The following PKHD1 variants were observed in gnomAD, a reference collection of about 807,000 sequenced individuals.
PKHD1 encodes the protein PKHD1 ciliary IPT domain containing fibrocystin/polyductin.
Under a neutral mutation model 412.0 loss-of-function variants are expected in PKHD1, and 291 were observed. The ratio of observed to expected loss-of-function variants is 0.71; its 90% CI spans 0.64 to 0.78. The LOEUF is 0.78. Among genes scored for constraint, PKHD1 ranks in the 30% least tolerant of loss-of-function variants. PKHD1 has a pLI of 0.00. For synonymous variants in PKHD1, 1,777 were observed against 1,821.5 expected (o/e 0.98, Z 0.62); for missense variants, 4,825 against 4,950.7 (o/e 0.97, Z 0.76).
chr6:51,894,259 CA>C (rs1779550131), intron 43 of PKHD1, among the ~76,000 whole-genome samples: 1 of 152,104 alleles, frequency 6.6e-6, no homozygotes, highest in Admixed American at 6.5e-5. Context: ...GAAAGCATGG[CA>C]AACGCCTATT....
intron 65 of PKHD1, among the ~76,000 whole-genome samples, chr6:51,627,400 T>C (rs149331605): frequency 7.2e-5 from 11 of 151,750 alleles, no homozygotes; most frequent in African/African-American, 2.4e-4. Flanking sequence ...GTAAGTATAA[T>C]GTACACACTC....
At chr6:52,080,315 C>T (rs1274440992) in intron 4 of PKHD1, among the ~76,000 whole-genome samples, 4 of 152,092 alleles carry the variant, frequency 2.6e-5, no homozygotes, top group African/African-American at 7.2e-5. Context: ...TAATCTATTC[C>T]CCATTTCCAT....
At chr6:51,869,983 C>A (rs1056565693) in intron 47 of PKHD1, among the ~76,000 whole-genome samples, 1 of 152,090 alleles carries the variant, frequency 6.6e-6, no homozygotes, top group East Asian at 1.9e-4. Context: ...TTCTTACCAC[C>A]TCTGAGATGT....
At position 51,780,541 on chromosome 6, in the gene PKHD1, A is replaced by C. The variant is rs546829525; in HGVS notation, c.8441-4620T>G. Among the ~76,000 whole-genome samples the C allele has an allele frequency of 1.4e-4, 22 of 152,280 alleles. No homozygotes were observed. In the South Asian group the frequency reaches 4.6e-3, roughly 32 times the overall value. ...ACATTCATCATTAAAAAAGAGTAAG[A>C]GAACAGCTATTTCACAAAACAAGAT... On this transcript the variant is annotated intron_variant, in intron 53 of 66. Coordinates refer to ENST00000371117, the MANE Select transcript of PKHD1 (RefSeq NM_138694.4).
At chr6:51,652,800 G>A in intron 61 of PKHD1, among the ~76,000 whole-genome samples, 1 of 1,726 alleles carries the variant, frequency 5.8e-4, no homozygotes. Flanking sequence ...GGATGGTCTC[G>A]ATCTCCTGAC....
chr6:52,075,253 C>T (rs2128235958), intron 6 of PKHD1, among the ~76,000 whole-genome samples: 1 of 152,346 alleles, frequency 6.6e-6, no homozygotes, highest in South Asian at 2.1e-4. Flanking sequence ...TAATCTGTGT[C>T]TATACACACA....
chr6:51,826,122 T>A (rs889866947), intron 52 of PKHD1, among the ~76,000 whole-genome samples: 1 of 152,194 alleles, frequency 6.6e-6, no homozygotes, highest in African/African-American at 2.4e-5. Flanking sequence ...CTTTCTGATT[T>A]ATGATCATCT....
intron 54 of PKHD1, among the ~76,000 whole-genome samples, chr6:51,773,850 C>T (rs1452246762): frequency 2.7e-5 from 4 of 150,746 alleles, no homozygotes; most frequent in Admixed American, 6.6e-5. Flanking sequence ...TCAACATCCA[C>T]ATTTTTTCCA....
chr6:51,662,740 A>G (rs1326234580), intron 60 of PKHD1, among the ~76,000 whole-genome samples: 2 of 151,974 alleles, frequency 1.3e-5, no homozygotes, highest in African/African-American at 2.4e-5. Flanking sequence ...GAATGAAAGG[A>G]TTATCATTAC....
At chr6:51,755,436 T>C (rs1165337453) in intron 55 of PKHD1, among the ~76,000 whole-genome samples, 2 of 152,182 alleles carry the variant, frequency 1.3e-5, no homozygotes, top group Non-Finnish European at 2.9e-5. Flanking sequence ...GAGGTGTCAC[T>C]TACCAGCTGT....
chr6:51,665,591 G>A (rs79320311), intron 60 of PKHD1, among the ~76,000 whole-genome samples: 4,040 of 152,138 alleles, frequency 0.027, 83 homozygotes, highest in Non-Finnish European at 0.043. Context: ...CTGAAAAGTA[G>A]GTTCTTTTAT....
Position 51,619,039 on chromosome 6 carries a change from G to T in PKHD1, c.*42C>A. The T allele has an allele frequency of 6.4e-7, 1 of 1,563,004 alleles. No homozygotes were observed. Among genetic ancestry groups the T allele is most frequent in the South Asian group, 1.1e-5 (1 of 89,754 alleles). On this transcript the variant is annotated 3_prime_UTR_variant, in exon 67 of 67. Coordinates refer to ENST00000371117, the MANE Select transcript of PKHD1 (RefSeq NM_138694.4). ...CCAGCTTATTATCCAGAAATACTGG[G>T]AACATTCTGCCTTTCAGGCCAAATG...
intron 60 of PKHD1, among the ~76,000 whole-genome samples, chr6:51,698,832 GT>G (rs1779092626): frequency 6.6e-6 from 1 of 152,198 alleles, no homozygotes; most frequent in African/African-American, 2.4e-5. Context: ...AAAGTGATGG[GT>G]TTTAACAAGA....
chr6:51,809,693 C>T (rs2151385595), intron 52 of PKHD1, among the ~76,000 whole-genome samples: 1 of 152,054 alleles, frequency 6.6e-6, no homozygotes, highest in South Asian at 2.1e-4. Context: ...TTTTTCTTCA[C>T]ATGACATATG....
At chr6:51,665,932 C>T (rs938747987) in intron 60 of PKHD1, among the ~76,000 whole-genome samples, 3 of 152,040 alleles carry the variant, frequency 2.0e-5, no homozygotes, top group Non-Finnish European at 4.4e-5. Flanking sequence ...AGTGTAAGCA[C>T]AGGTGGAGGT....
chr6:51,917,664 G>A (rs776463752), intron 37 of PKHD1, among the ~76,000 whole-genome samples: 2 of 152,076 alleles, frequency 1.3e-5, no homozygotes, highest in African/African-American at 4.8e-5. Flanking sequence ...CCTAGGCAAC[G>A]ACAATGATGT....
At chr6:51,859,502 G>A (rs1230439152) in intron 48 of PKHD1, among the ~76,000 whole-genome samples, 2 of 132,876 alleles carry the variant, frequency 1.5e-5, no homozygotes, top group Admixed American at 9.5e-5. Context: ...CTCCAGCCTG[G>A]GCAACAGAGC....
intron 16 of PKHD1, among the ~76,000 whole-genome samples, chr6:52,057,438 G>A (rs1554216991): frequency 6.7e-6 from 1 of 149,562 alleles, no homozygotes; most frequent in Non-Finnish European, 1.5e-5. Context: ...TTTTTTTTTA[G>A]ATGGAGTTTC....
At chr6:51,680,494 T>A (rs1018697229) in intron 60 of PKHD1, among the ~76,000 whole-genome samples, 3 of 152,110 alleles carry the variant, frequency 2.0e-5, no homozygotes, top group Non-Finnish European at 4.4e-5. Flanking sequence ...ACTCAAGAGT[T>A]ATCACAAACT....
Sources: gnomAD v4.1 joint callset for allele counts (sites outside exome capture counted in the v4.1 genomes callset) on GRCh38, gnomAD v4.1.1 for gene constraint, MANE v1.5 for transcripts, NCBI Gene and HGNC (gene_info 2026-07-23, HGNC 2026-07-21) for gene names.